Variants in CNTN4 observed in about 807,000 individuals in gnomAD.
The protein encoded by CNTN4 is contactin-4.
CNTN4 carries 77 observed loss-of-function variants against 122.5 expected under a neutral mutation model. The ratio of observed to expected loss-of-function variants is 0.63; its 90% confidence interval spans 0.52 to 0.76. CNTN4 has a LOEUF of 0.76. Among genes scored for constraint, CNTN4 ranks in the 30% least tolerant of loss-of-function variants. The pLI is 0.00. For missense variants in CNTN4, 1,256 were observed against 1,259.1 expected (o/e 1.00, Z 0.04); for synonymous variants, 512 against 447.0 (o/e 1.15, Z -1.83).
intron 4 of CNTN4, among the ~76,000 whole-genome samples, chr3:2,603,602 C>T (rs2081138894): frequency 6.6e-6 from 1 of 152,152 alleles, no homozygotes; most frequent in Non-Finnish European, 1.5e-5. Context: ...TAATGACTTA[C>T]GTTTCATGTC....
At position 2,127,826 on chromosome 3, in the gene CNTN4, C is replaced by T. The variant is rs137878657; in HGVS notation, c.-145+27187C>T. Reference sequence around the variant, plus strand: ...TGCTACAGGGAACCTTTAAGTCATGCACCAAATTAAAAGATTGCAAGCTCC... The same window carrying T: ...TGCTACAGGGAACCTTTAAGTCATGTACCAAATTAAAAGATTGCAAGCTCC... On this transcript the variant is annotated intron_variant, in intron 2 of 24. Transcript: ENST00000418658. Among the ~76,000 whole-genome samples, 166 of 152,264 alleles carry T rather than the reference C, an allele frequency of 1.1e-3. 2 individuals are homozygous for T. Among genetic ancestry groups the T allele is most frequent in the African/African-American group, 3.9e-3 (163 of 41,550 alleles).
intron 2 of CNTN4, among the ~76,000 whole-genome samples, chr3:2,253,100 G>A (rs1057344766): frequency 6.6e-6 from 1 of 151,790 alleles, no homozygotes; most frequent in Non-Finnish European, 1.5e-5. Context: ...CTGCAATCTA[G>A]AATTAGTAGT....
chr3:2,979,377 A>C (rs1157462602), intron 13 of CNTN4, among the ~76,000 whole-genome samples: 2 of 152,200 alleles, frequency 1.3e-5, no homozygotes, highest in African/African-American at 4.8e-5. Flanking sequence ...AGAAGAGAAA[A>C]GAGAGAGAAA....
intron 2 of CNTN4, among the ~76,000 whole-genome samples, chr3:2,177,736 G>A (rs547543786): frequency 6.6e-6 from 1 of 151,468 alleles, no homozygotes; most frequent in Admixed American, 6.6e-5. Flanking sequence ...GCTTTCAGCT[G>A]ATTGGATGAA....
At chr3:2,785,382 ATTCCTC>A (rs994901023) in intron 6 of CNTN4, among the ~76,000 whole-genome samples, 10 of 152,118 alleles carry the variant, frequency 6.6e-5, no homozygotes, top group Non-Finnish European at 1.5e-4. Context: ...AAAGGAGTGA[ATTCCTC>A]TTCCTCTTTC....
At chr3:2,516,151 T>A (rs138667188) in intron 3 of CNTN4, among the ~76,000 whole-genome samples, 195 of 152,208 alleles carry the variant, frequency 1.3e-3, no homozygotes, top group African/African-American at 4.5e-3. Context: ...TTATTCCTTA[T>A]TGAACTTGTA....
chr3:2,447,965 T>G (rs2048685644), intron 3 of CNTN4, among the ~76,000 whole-genome samples: 1 of 152,132 alleles, frequency 6.6e-6, no homozygotes, highest in Non-Finnish European at 1.5e-5. Flanking sequence ...AAAGATAGAA[T>G]CAAGCCTTAG....
At chr3:2,967,702 A>G (rs1692466448) in intron 13 of CNTN4, among the ~76,000 whole-genome samples, 1 of 152,282 alleles carries the variant, frequency 6.6e-6, no homozygotes, top group South Asian at 2.1e-4. Flanking sequence ...TCAGAGGAAA[A>G]AACTATACAA....
chr3:2,396,526 G>A (rs1046946120), intron 3 of CNTN4, among the ~76,000 whole-genome samples: 4 of 152,118 alleles, frequency 2.6e-5, no homozygotes, highest in South Asian at 2.1e-4. Flanking sequence ...ACATCCTCAC[G>A]AGCCAGATCC....
chr3:2,443,626 C>G (rs181131412), intron 3 of CNTN4, among the ~76,000 whole-genome samples: 4 of 152,230 alleles, frequency 2.6e-5, no homozygotes, highest in African/African-American at 9.6e-5. Context: ...TAATTTCAGT[C>G]ATATATGACT....
intron 2 of CNTN4, among the ~76,000 whole-genome samples, chr3:2,125,764 A>C (rs1271607948): frequency 6.6e-6 from 1 of 151,640 alleles, no homozygotes; most frequent in Non-Finnish European, 1.5e-5. Context: ...TACCGTGTTA[A>C]GCAGGATGGT....
intron 14 of CNTN4, among the ~76,000 whole-genome samples, chr3:3,020,573 G>A (rs72622146): frequency 0.037 from 5,630 of 152,136 alleles, 560 homozygotes; most frequent in East Asian, 0.34. Context: ...TCCCCTCTCT[G>A]AGGGCGCCCA....
At chr3:2,248,576 T>C (rs1462940626) in intron 2 of CNTN4, among the ~76,000 whole-genome samples, 1 of 151,958 alleles carries the variant, frequency 6.6e-6, no homozygotes, top group Admixed American at 6.6e-5. Flanking sequence ...CCAATAACAT[T>C]TGTATCCATT....
Position 2,645,187 on chromosome 3 carries a change from A to G in CNTN4, c.55+73629A>G, listed in dbSNP as rs369258088. Among the ~76,000 whole-genome samples, 49 of 152,136 alleles carry G rather than the reference A, an allele frequency of 3.2e-4. 1 individual carries two copies. The East Asian group carries it at 7.8e-3, about 24-fold the overall frequency. ...AGCATTAAGTGTTTCAGAAATCAACATGTCTTATCAATCTATTGTGCTCTG... is the reference window on the plus strand; with the variant it reads ...AGCATTAAGTGTTTCAGAAATCAACGTGTCTTATCAATCTATTGTGCTCTG... On this transcript the variant is annotated intron_variant, in intron 4 of 24. Coordinates refer to ENST00000418658, the MANE Select transcript of CNTN4 (RefSeq NM_175607.3).
chr3:2,441,658 G>A (rs1032919086), intron 3 of CNTN4, among the ~76,000 whole-genome samples: 1 of 152,162 alleles, frequency 6.6e-6, no homozygotes, highest in South Asian at 2.1e-4. Context: ...GAGAGAGAGT[G>A]TTACTTAGCC....
At chr3:2,191,479 G>T (rs2037542067) in intron 2 of CNTN4, among the ~76,000 whole-genome samples, 1 of 152,086 alleles carries the variant, frequency 6.6e-6, no homozygotes, top group Non-Finnish European at 1.5e-5. Flanking sequence ...CTTTTGGGCT[G>T]CTTTGACCAG....
intron 14 of CNTN4, among the ~76,000 whole-genome samples, chr3:3,003,684 CAAAAAA>C (rs58290160): frequency 3.5e-4 from 27 of 76,982 alleles, no homozygotes; most frequent in Non-Finnish European, 1.8e-4. Flanking sequence ...ATGGTTGCAC[CAAAAAA>C]AAAAAAAAAA....
chr3:2,371,783 T>C (rs1027968091), intron 3 of CNTN4, among the ~76,000 whole-genome samples: 1 of 152,234 alleles, frequency 6.6e-6, no homozygotes, highest in African/African-American at 2.4e-5. Flanking sequence ...TAAAATATTC[T>C]CACTAGACCT....
At chr3:2,194,852 C>G (rs765276345) in intron 2 of CNTN4, among the ~76,000 whole-genome samples, 3 of 152,144 alleles carry the variant, frequency 2.0e-5, no homozygotes, top group Non-Finnish European at 4.4e-5. Context: ...GAGCATGGCC[C>G]TGCTCACACC....
Sources: allele counts gnomAD v4.1 joint callset (sites outside exome capture counted in the v4.1 genomes callset), GRCh38; gene constraint gnomAD v4.1.1; transcripts MANE v1.5; gene names NCBI Gene and HGNC (gene_info 2026-07-23, HGNC 2026-07-21).